The following ACSS2 variants were observed in gnomAD, a reference collection of about 807,000 sequenced individuals.
ACSS2 encodes the protein acyl-CoA synthetase short chain family member 2.
In ACSS2, 58 loss-of-function variants were observed where a neutral mutation model predicts 90.6. That is an observed-to-expected ratio of 0.64 (90% confidence interval 0.52 to 0.80). ACSS2 has a LOEUF of 0.80. Ranked by LOEUF, ACSS2 falls within the 30% of genes least tolerant of loss-of-function variation. The probability of loss-of-function intolerance (pLI) is 0.00; values close to 1 mark genes in which losing one functional copy is unlikely to be tolerated. For synonymous variants in ACSS2, 300 were observed against 330.9 expected (o/e 0.91, Z 1.01); for missense variants, 759 against 912.0 (o/e 0.83, Z 2.16).
intron 7 of ACSS2, among the ~76,000 whole-genome samples, chr20:34,919,120 G>T (rs1015610466): frequency 6.6e-6 from 1 of 152,154 alleles, no homozygotes; most frequent in African/African-American, 2.4e-5. Flanking sequence ...TCAGGTAAAG[G>T]CTTTCCAAGA....
intron 2 of ACSS2, among the ~76,000 whole-genome samples, chr20:34,904,226 G>T (rs957519340): frequency 6.6e-6 from 1 of 151,602 alleles, no homozygotes; most frequent in Non-Finnish European, 1.5e-5. Context: ...GGAGAGGAGC[G>T]CAGGGAGTAT....
At chr20:34,897,795 C>T (rs2080502254) in intron 2 of ACSS2, among the ~76,000 whole-genome samples, 1 of 152,012 alleles carries the variant, frequency 6.6e-6, no homozygotes, top group Non-Finnish European at 1.5e-5. Context: ...TGCCACCACA[C>T]TCCAGCCTGG....
In ACSS2 at chr20:34,913,806, C is replaced by T. The variant is rs2081017625; in HGVS notation, c.624C>T (p.Cys208=). ...GTGAACGGATCTTGGATTCCAGCTG[C>T]AGTCTTCTCATCACTACAGGTGACT... The part of the protein sequence containing the change: ...SLCERILDSS[C]SLLITTDAFY... Residue 208 remains cysteine (C), a synonymous_variant, in exon 5 of 18, where the codon TGC becomes TGT. Transcript: ENST00000360596. 1 of 1,613,982 alleles carries T rather than the reference C, an allele frequency of 6.2e-7. No homozygotes were observed. Among genetic ancestry groups the T allele is most frequent in the African/African-American group, 1.3e-5 (1 of 74,904 alleles).
chr20:34,888,843 G>C (rs1161589705), intron 2 of ACSS2, among the ~76,000 whole-genome samples: 1 of 152,154 alleles, frequency 6.6e-6, no homozygotes, highest in Non-Finnish European at 1.5e-5. Context: ...CTGCTGCCTG[G>C]TGTGTTTGAA....
intron 2 of ACSS2, among the ~76,000 whole-genome samples, chr20:34,911,334 T>C (rs2080952738): frequency 6.6e-6 from 1 of 151,968 alleles, no homozygotes; most frequent in Non-Finnish European, 1.5e-5. Context: ...ATTACAAGCA[T>C]GCACTACCAC....
intron 13 of ACSS2, 137 bp downstream of exon 13, chr20:34,922,003 T>G (rs1336243586): frequency 1.4e-6 from 2 of 1,474,954 alleles, no homozygotes; most frequent in East Asian, 4.6e-5. Context: ...GTTTGCTCAC[T>G]GAGAGACCCT....
At chr20:34,899,471 C>CCTTCCTTCCTTCA (rs2080587096) in intron 2 of ACSS2, among the ~76,000 whole-genome samples, 1 of 128,728 alleles carries the variant, frequency 7.8e-6, no homozygotes, top group Non-Finnish European at 1.6e-5. Context: ...TCCTTCCTTT[C>CCTTCCTTCCTTCA]TTTTTCTTTC....
intron 2 of ACSS2, among the ~76,000 whole-genome samples, chr20:34,901,511 C>T (rs1331211362): frequency 6.6e-6 from 1 of 152,206 alleles, no homozygotes; most frequent in African/African-American, 2.4e-5. Flanking sequence ...CCAGAGGGAA[C>T]ATTAGGCTGC....
chr20:34,891,090 TCTC>T (rs1407089894), intron 2 of ACSS2, among the ~76,000 whole-genome samples: 9 of 151,908 alleles, frequency 5.9e-5, no homozygotes, highest in African/African-American at 1.9e-4. Context: ...CCTTGACAAA[TCTC>T]CTTGACAAAA....
intron 2 of ACSS2, among the ~76,000 whole-genome samples, chr20:34,892,267 CAATT>C (rs2080353058): frequency 6.6e-6 from 1 of 152,152 alleles, no homozygotes; most frequent in African/African-American, 2.4e-5. Flanking sequence ...ACATTTATAA[CAATT>C]AACTCAGAAG....
chr20:34,882,798 C>A lies in ACSS2; in HGVS notation c.183C>A (p.Phe61Leu), dbSNP rs1483937871. ...HRRSVEEPRE[F>L]WGDIAKEFYW... ...GGGCTTCCATTTCTGTTGCAGAATTCTGGGGAGACATTGCCAAGGAATTTT... is the reference window on the plus strand; with the variant it reads ...GGGCTTCCATTTCTGTTGCAGAATTATGGGGAGACATTGCCAAGGAATTTT... The change falls in exon 2 of 18, where the codon TTC becomes TTA. Residue 61 changes from phenylalanine to leucine, a missense_variant. Transcript: ENST00000360596. 6.2e-7 allele frequency: 1 copy of A among 1,611,852 alleles called. No individual in the cohort carries two copies. Among genetic ancestry groups the A allele is most frequent in the Admixed American group, 1.7e-5 (1 of 59,506 alleles).
intron 2 of ACSS2, among the ~76,000 whole-genome samples, chr20:34,896,940 G>C (rs980296000): frequency 2.0e-5 from 3 of 151,944 alleles, no homozygotes; most frequent in Non-Finnish European, 4.4e-5. Context: ...TGAGACATAA[G>C]AATTGCTTGA....
At chr20:34,876,884 G>C in intron 1 of ACSS2, 61 bp downstream of exon 1, 1 of 1,140,100 alleles carries the variant, frequency 8.8e-7, no homozygotes, top group East Asian at 3.2e-5. Context: ...GGCTCCCTGG[G>C]GGAGTCGGGG....
chr20:34,885,398 C>G (rs1439563146), intron 2 of ACSS2, among the ~76,000 whole-genome samples: 1 of 152,120 alleles, frequency 6.6e-6, no homozygotes, highest in Non-Finnish European at 1.5e-5. Flanking sequence ...TCTAGAGACA[C>G]CAGTTCCCCT....
chr20:34,926,829 G>C, intron 16 of ACSS2, 48 bp from the exon 17 acceptor site: 2 of 1,603,976 alleles, frequency 1.2e-6, no homozygotes, highest in Non-Finnish European at 1.7e-6. Context: ...TTTTTGAAAA[G>C]TCTGGCTAAG....
upstream of ACSS2, chr20:34,876,349 A>C (rs1601261899): frequency 1.3e-5 from 3 of 234,760 alleles, no homozygotes; most frequent in South Asian, 1.9e-4. Context: ...CTCCCTTGTC[A>C]CACCCGGCCC....
At position 34,914,386 on chromosome 20, in the gene ACSS2, T is replaced by C; in HGVS notation, c.783T>C (p.Gly261=). The change falls in exon 7 of 18, where the codon GGT becomes GGC. Residue 261 remains glycine (G), a synonymous_variant. Transcript: ENST00000360596. ...KHLGRAELGM[G]DSTSQSPPIK... is the part of the protein sequence containing the mutation. ...TGGGGCGGGCAGAGCTCGGCATGGG[T>C]GACTCCACCAGCCAGTCCCCCCCAA... The C allele has an allele frequency of 6.2e-7, 1 of 1,613,810 alleles. No homozygotes were observed. Among genetic ancestry groups the C allele is most frequent in the Non-Finnish European group, 8.5e-7 (1 of 1,179,870 alleles).
chr20:34,921,248 G>A, intron 10 of ACSS2, 82 bp from the exon 11 acceptor site: 2 of 1,606,944 alleles, frequency 1.2e-6, no homozygotes, highest in Non-Finnish European at 1.7e-6. Context: ...CTGGAATAGA[G>A]GATGGGGCAA....
intron 2 of ACSS2, among the ~76,000 whole-genome samples, chr20:34,899,046 G>A (rs1208462043): frequency 6.6e-6 from 1 of 152,246 alleles, no homozygotes; most frequent in African/African-American, 2.4e-5. Flanking sequence ...GCTGGCCCGG[G>A]TGCTAAGCCC....
Sources: gnomAD v4.1 joint callset for allele counts (sites outside exome capture counted in the v4.1 genomes callset) on GRCh38, gnomAD v4.1.1 for gene constraint, MANE v1.5 for transcripts, NCBI Gene and HGNC (gene_info 2026-07-23, HGNC 2026-07-21) for gene names.